Variants in ASTN2 observed in about 807,000 individuals in gnomAD.
The protein encoded by ASTN2 is astrotactin-2.
A neutral mutation model predicts 139.8 loss-of-function variants in ASTN2; 54 were observed. That is an observed-to-expected ratio of 0.39 (90% CI 0.31 to 0.48). The LOEUF is 0.48. Ranked by LOEUF, ASTN2 falls within the 20% of genes least tolerant of loss-of-function variation. The pLI is 0.95. For missense variants in ASTN2, 1,565 were observed against 1,725.1 expected (o/e 0.91, Z 1.64); for synonymous variants, 756 against 719.5 (o/e 1.05, Z -0.81).
At chr9:116,526,268 T>C (rs1851084860) in intron 19 of ASTN2, among the ~76,000 whole-genome samples, 1 of 152,194 alleles carries the variant, frequency 6.6e-6, no homozygotes, top group Non-Finnish European at 1.5e-5. Context: ...TTTCCTTGCC[T>C]GTAATATGGG....
intron 1 of ASTN2, among the ~76,000 whole-genome samples, chr9:117,410,593 G>C (rs1831132818): frequency 6.6e-6 from 1 of 152,188 alleles, no homozygotes; most frequent in Non-Finnish European, 1.5e-5. Flanking sequence ...GTCACAGTGA[G>C]CCAAAGCTGA....
chr9:117,089,616 G>A (rs1218180980), intron 5 of ASTN2, among the ~76,000 whole-genome samples: 1 of 151,566 alleles, frequency 6.6e-6, no homozygotes, highest in Non-Finnish European at 1.5e-5. Flanking sequence ...TGAGATTTTG[G>A]TTCACCCATC....
chr9:116,939,173 T>C (rs1835158396), intron 10 of ASTN2, among the ~76,000 whole-genome samples: 1 of 152,156 alleles, frequency 6.6e-6, no homozygotes, highest in Non-Finnish European at 1.5e-5. Context: ...TAGTCTCAAT[T>C]TTCTCATCTG....
intron 11 of ASTN2, among the ~76,000 whole-genome samples, chr9:116,847,255 A>G (rs1832466899): frequency 6.6e-6 from 1 of 152,118 alleles, no homozygotes; most frequent in South Asian, 2.1e-4. Context: ...AGCTGGGACT[A>G]CAGGCACACA....
chr9:116,772,186 C>G (rs1216410420), intron 13 of ASTN2, among the ~76,000 whole-genome samples: 1 of 152,220 alleles, frequency 6.6e-6, no homozygotes, highest in Non-Finnish European at 1.5e-5. Context: ...TGTGTCCCCA[C>G]CCAAATCTCA....
intron 11 of ASTN2, among the ~76,000 whole-genome samples, chr9:116,834,214 T>C (rs1385681245): frequency 6.6e-6 from 1 of 152,234 alleles, no homozygotes; most frequent in Non-Finnish European, 1.5e-5. Flanking sequence ...GTCCAGGATA[T>C]AGTCTTGTCT....
chr9:116,644,910 T>G (rs1857513292), intron 17 of ASTN2, among the ~76,000 whole-genome samples: 1 of 152,154 alleles, frequency 6.6e-6, no homozygotes, highest in Non-Finnish European at 1.5e-5. Flanking sequence ...TTAGCCTGCT[T>G]TTCTCATCAT....
chr9:116,872,306 A>G (rs1486129490), intron 10 of ASTN2, among the ~76,000 whole-genome samples: 1 of 152,202 alleles, frequency 6.6e-6, no homozygotes, highest in Non-Finnish European at 1.5e-5. Context: ...TGAGTGATAG[A>G]TTAGGGAGCA....
intron 11 of ASTN2, among the ~76,000 whole-genome samples, chr9:116,849,916 A>T (rs1832547424): frequency 6.6e-6 from 1 of 152,222 alleles, no homozygotes; most frequent in Admixed American, 6.5e-5. Context: ...CTGTGGGTAT[A>T]TATTTATTCA....
chr9:116,994,680 A>G (rs1014606382), intron 7 of ASTN2, among the ~76,000 whole-genome samples: 1 of 152,230 alleles, frequency 6.6e-6, no homozygotes, highest in East Asian at 1.9e-4. Context: ...TAAATGGCCA[A>G]TAATGGCTAA....
rs537189344 is a variant in ASTN2 at position 117,243,986 on chromosome 9, A to G, written c.631-29244T>C. Among the ~76,000 whole-genome samples the G allele has an allele frequency of 5.3e-5, 8 of 152,220 alleles. No homozygotes were observed. In the South Asian group the frequency reaches 1.7e-3, roughly 32 times the overall value. On this transcript the variant is annotated intron_variant, in intron 2 of 22. Coordinates refer to ENST00000313400, the MANE Select transcript of ASTN2 (RefSeq NM_001365068.1). The stretch of plus-strand genomic sequence containing the variant: ...CTAGGGAGAGACCTGGTAGGATGTG[A>G]ATCATGGGGGCAGTGTCCCCCACTC...
intron 12 of ASTN2, among the ~76,000 whole-genome samples, chr9:116,818,053 T>TA (rs1564284408): frequency 0.01 from 71 of 6,884 alleles, no homozygotes; most frequent in Admixed American, 0.037. Flanking sequence ...TGTGCTTTTT[T>TA]TAAAAAAAAA....
At chr9:117,032,608 CT>C (rs1838279684) in intron 6 of ASTN2, among the ~76,000 whole-genome samples, 1 of 152,188 alleles carries the variant, frequency 6.6e-6, no homozygotes, top group African/African-American at 2.4e-5. Context: ...ATTCAAATCA[CT>C]GCAAACTAGT....
At chr9:116,502,599 G>A (rs1849906202) in intron 19 of ASTN2, among the ~76,000 whole-genome samples, 1 of 150,536 alleles carries the variant, frequency 6.6e-6, no homozygotes, top group East Asian at 2.0e-4. Flanking sequence ...GAGTTGGTGA[G>A]GAGAGAGAGA....
intron 5 of ASTN2, among the ~76,000 whole-genome samples, chr9:117,067,416 A>T (rs1167989958): frequency 8.8e-6 from 1 of 114,202 alleles, no homozygotes; most frequent in Non-Finnish European, 1.9e-5. Context: ...GTAGCCTTGT[A>T]GTATAGTTTG....
intron 19 of ASTN2, among the ~76,000 whole-genome samples, chr9:116,504,641 T>A (rs1358420555): frequency 6.6e-6 from 1 of 152,136 alleles, no homozygotes; most frequent in African/African-American, 2.4e-5. Context: ...TTCACAATGT[T>A]AGATACTATG....
chr9:116,661,854 G>T (rs1189093591), intron 16 of ASTN2, among the ~76,000 whole-genome samples: 2 of 151,898 alleles, frequency 1.3e-5, no homozygotes, highest in East Asian at 3.9e-4. Flanking sequence ...CACACACCGG[G>T]GCCTGTTGTG....
At chr9:116,697,196 T>G (rs923170445) in intron 16 of ASTN2, among the ~76,000 whole-genome samples, 1 of 152,204 alleles carries the variant, frequency 6.6e-6, no homozygotes, top group Non-Finnish European at 1.5e-5. Context: ...GCTTTTCTCT[T>G]AGTGTAAATC....
chr9:117,300,008 T>G (rs1834837272), intron 1 of ASTN2, among the ~76,000 whole-genome samples: 1 of 152,180 alleles, frequency 6.6e-6, no homozygotes, highest in South Asian at 2.1e-4. Flanking sequence ...TCACATCTAA[T>G]GTAGAACTGA....
Sources: allele counts gnomAD v4.1 joint callset (sites outside exome capture counted in the v4.1 genomes callset), GRCh38; gene constraint gnomAD v4.1.1; transcripts MANE v1.5; gene names NCBI Gene and HGNC (gene_info 2026-07-23, HGNC 2026-07-21).